ABCA1: variants seen among roughly 807,000 people sequenced by gnomAD.
The protein encoded by ABCA1 is phospholipid-transporting ATPase ABCA1.
A neutral mutation model predicts 262.5 loss-of-function variants in ABCA1; 133 were observed. That is an observed-to-expected ratio of 0.51 (90% CI 0.44 to 0.59). The LOEUF is 0.59. ABCA1 is among the 20% of genes least tolerant of loss of function. The pLI is 0.00. For missense variants in ABCA1, 2,452 were observed against 2,777.5 expected (o/e 0.88, Z 2.63); for synonymous variants, 1,022 against 1,043.5 (o/e 0.98, Z 0.40).
At chr9:104,796,852 C>T (rs1345918882) in intron 37 of ABCA1, among the ~76,000 whole-genome samples, 2 of 152,204 alleles carry the variant, frequency 1.3e-5, no homozygotes, top group South Asian at 2.1e-4. Flanking sequence ...CTGCTCATAA[C>T]ATGAATGTCA....
Position 104,840,524 on chromosome 9 carries a change from C to A in ABCA1, c.814-5G>T. On this transcript the variant is annotated splice_polypyrimidine_tract_variant and splice_region_variant and intron_variant, in intron 8 of 49. Transcript: ENST00000374736. ...CCAGCTTCTCATGCTGAACAGCTGG[C>A]GTCAGGGATGGGGACAGAAAGGAGG... The A allele has an allele frequency of 6.2e-7, 1 of 1,608,826 alleles. No homozygotes were observed. The highest frequency in any genetic ancestry group is 8.5e-7 in the Non-Finnish European group (1 of 1,178,270).
At chr9:104,892,977 A>G (rs1031024017) in intron 2 of ABCA1, among the ~76,000 whole-genome samples, 3 of 152,252 alleles carry the variant, frequency 2.0e-5, no homozygotes, top group African/African-American at 7.2e-5. Flanking sequence ...TGAAACACAG[A>G]AATCATTAGC....
rs1201254743 is a variant in ABCA1, at chr9:104,831,788, C to A, written c.1549G>T (p.Val517Phe). ...LNKLEPIATE[V>F]WLINKSMELL... is the part of the protein sequence containing the mutation. Reference sequence around the variant, plus strand: ...TCCATGGACTTGTTGATGAGCCAGACTTCTGTTGCTATGGGTTCTAGCTTG... The same window carrying A: ...TCCATGGACTTGTTGATGAGCCAGAATTCTGTTGCTATGGGTTCTAGCTTG... The change falls in exon 13 of 50, where the codon GTC becomes TTC. Residue 517 changes from valine to phenylalanine, a missense_variant. This residue lies in a region of ABCA1 where 1,032 missense variants were observed against 1,089.7 expected (regional missense o/e 0.95). Transcript: ENST00000374736. The A allele has an allele frequency of 6.2e-7, 1 of 1,614,220 alleles. No individual in the cohort carries two copies. Among genetic ancestry groups the A allele is most frequent in the Non-Finnish European group, 8.5e-7 (1 of 1,180,048 alleles).
chr9:104,878,129 T>G lies in ABCA1; in HGVS notation c.421+4910A>C, dbSNP rs117642205. On this transcript the variant is annotated intron_variant, in intron 5 of 49. Transcript: ENST00000374736. ...GAGACAAAATACAGACATGTCACTTTCCCTAGGGTTTCTGAGGATTTATCC... is the reference window on the plus strand; with the variant it reads ...GAGACAAAATACAGACATGTCACTTGCCCTAGGGTTTCTGAGGATTTATCC... Among the ~76,000 whole-genome samples, 458 of 152,298 alleles carry G rather than the reference T, an allele frequency of 3.0e-3. 1 individual carries two copies. Among genetic ancestry groups the G allele is most frequent in the Non-Finnish European group, 5.0e-3 (342 of 68,030 alleles).
intron 1 of ABCA1, among the ~76,000 whole-genome samples, chr9:104,908,418 G>A (rs1331356333): frequency 2.0e-5 from 3 of 152,200 alleles, no homozygotes; most frequent in Non-Finnish European, 1.5e-5. Context: ...TGTAATCCTA[G>A]CACTTTGGGA....
chr9:104,860,860 G>A (rs1026802663), intron 6 of ABCA1, among the ~76,000 whole-genome samples: 3 of 143,072 alleles, frequency 2.1e-5, no homozygotes, highest in South Asian at 2.2e-4. Context: ...AGGTTCAAAC[G>A]ATTCTCCTGT....
intron 34 of ABCA1, 102 bp downstream of exon 34, chr9:104,801,952 G>T: frequency 9.2e-7 from 1 of 1,086,856 alleles, no homozygotes; most frequent in Non-Finnish European, 1.4e-6. Flanking sequence ...AACATATTCA[G>T]AACAATGAGC....
chr9:104,818,948 A>T, intron 22 of ABCA1, 65 bp from the exon 23 acceptor site: 10 of 1,435,948 alleles, frequency 7.0e-6, no homozygotes, highest in Non-Finnish European at 9.6e-6. Context: ...TGTCACAGTG[A>T]CAGGGACTAG....
chr9:104,869,549 T>C (rs1034529866), intron 5 of ABCA1, among the ~76,000 whole-genome samples: 5 of 152,188 alleles, frequency 3.3e-5, no homozygotes, highest in Middle Eastern at 3.2e-3. Context: ...TCTTGAAGAA[T>C]AGACGATGCC....
chr9:104,851,518 T>C (rs1390372019), intron 7 of ABCA1, among the ~76,000 whole-genome samples: 1 of 152,216 alleles, frequency 6.6e-6, no homozygotes, highest in East Asian at 1.9e-4. Flanking sequence ...ATGCATATAC[T>C]ATGTCCTCTA....
At chr9:104,823,033 C>G (rs1015048358) in intron 18 of ABCA1, among the ~76,000 whole-genome samples, 2 of 150,078 alleles carry the variant, frequency 1.3e-5, no homozygotes, top group Admixed American at 1.3e-4. Context: ...ACACACACAA[C>G]TTGGATAGAT....
At chr9:104,821,660 G>A (rs1417049783) in intron 19 of ABCA1, among the ~76,000 whole-genome samples, 154 bp from the exon 20 acceptor site, 1 of 152,106 alleles carries the variant, frequency 6.6e-6, no homozygotes, top group Non-Finnish European at 1.5e-5. Context: ...AAGCAAAGCT[G>A]TCCTTTTGCT....
At chr9:104,795,925 TG>T in intron 39 of ABCA1, 127 bp downstream of exon 39, 1 of 1,343,274 alleles carries the variant, frequency 7.4e-7, no homozygotes, top group South Asian at 1.2e-5. Context: ...AGACAGACTC[TG>T]AAGACAGGAC....
At chr9:104,798,336 G>T (rs1468401309) in intron 37 of ABCA1, 85 bp downstream of exon 37, 48 of 1,488,900 alleles carry the variant, frequency 3.2e-5, no homozygotes, top group Non-Finnish European at 4.5e-5. Context: ...ATTTCCTGAT[G>T]ATAGCCAGAG....
intron 5 of ABCA1, among the ~76,000 whole-genome samples, chr9:104,867,006 A>T (rs1344812099): frequency 6.6e-6 from 1 of 152,256 alleles, no homozygotes. Flanking sequence ...TGAATGAATG[A>T]ATACAAATGA....
chr9:104,844,361 G>A (rs565795427), intron 8 of ABCA1, among the ~76,000 whole-genome samples: 1 of 152,092 alleles, frequency 6.6e-6, no homozygotes, highest in Non-Finnish European at 1.5e-5. Context: ...CTGAAAGAAG[G>A]CTTCTCCTCT....
chr9:104,792,724 G>A, intron 42 of ABCA1, 62 bp downstream of exon 42: 1 of 1,610,138 alleles, frequency 6.2e-7, no homozygotes, highest in Non-Finnish European at 8.5e-7. Context: ...CAAACTGCTG[G>A]GTTACAGCAC....
At chr9:104,842,943 C>G (rs1459140272) in intron 8 of ABCA1, among the ~76,000 whole-genome samples, 1 of 152,194 alleles carries the variant, frequency 6.6e-6, no homozygotes, top group Non-Finnish European at 1.5e-5. Context: ...CTCACTTTCC[C>G]TGGTCCTTAA....
intron 5 of ABCA1, among the ~76,000 whole-genome samples, chr9:104,871,838 T>C (rs1392425208): frequency 1.3e-5 from 2 of 152,064 alleles, no homozygotes; most frequent in African/African-American, 4.8e-5. Flanking sequence ...AGGCATTCAG[T>C]TCCCAAGGAT....
Sources: gnomAD v4.1 joint callset for allele counts (sites outside exome capture counted in the v4.1 genomes callset) on GRCh38, gnomAD v4.1.1 for gene constraint, gnomAD v4.1.1 regional missense constraint, MANE v1.5 for transcripts, NCBI Gene and HGNC (gene_info 2026-07-23, HGNC 2026-07-21) for gene names.